The following ZFHX3 variants were observed in gnomAD, a reference collection of about 807,000 sequenced individuals.
ZFHX3 encodes the protein zinc finger homeobox protein 3.
In ZFHX3, 42 loss-of-function variants were observed where a neutral mutation model predicts 279.1. That is an observed-to-expected ratio of 0.15 (90% confidence interval 0.12 to 0.19). ZFHX3 has a LOEUF of 0.19. Among genes scored for constraint, ZFHX3 ranks in the 10% least tolerant of loss-of-function variants. The probability of loss-of-function intolerance (pLI) is 1.00; values close to 1 mark genes in which losing one functional copy is unlikely to be tolerated. For synonymous variants in ZFHX3, 2,293 were observed against 1,957.8 expected (o/e 1.17, Z -4.52); for missense variants, 4,981 against 4,754.0 (o/e 1.05, Z -1.40).
At chr16:72,981,172 C>G (rs966472979) in intron 1 of ZFHX3, among the ~76,000 whole-genome samples, 43 of 152,308 alleles carry the variant, frequency 2.8e-4, no homozygotes, top group African/African-American at 9.6e-4. Flanking sequence ...CATCTACTGA[C>G]CCCCACTCTT....
chr16:73,100,748 C>A lies in ZFHX3; in HGVS notation c.-896-7150G>T, dbSNP rs1214712684. Among the ~76,000 whole-genome samples, 3 of 152,232 alleles carry A rather than the reference C, an allele frequency of 2.0e-5. No homozygotes were observed. In the East Asian group the frequency reaches 5.8e-4, roughly 29 times the overall value. ...GAGTAGCTGGGATTACAGGCACCCA[C>A]CATCACGCCTGGCTAATTTTTGTAT... On this transcript the variant is annotated intron_variant, in intron 7 of 17. Transcript: ENST00000641206.
intron 2 of ZFHX3, among the ~76,000 whole-genome samples, chr16:73,580,837 T>G (rs2051853938): frequency 6.6e-6 from 1 of 151,896 alleles, no homozygotes; most frequent in South Asian, 2.1e-4. Flanking sequence ...AACCCATTCA[T>G]GTGTTTTTGT....
chr16:73,524,710 T>G (rs574474314), intron 2 of ZFHX3, among the ~76,000 whole-genome samples: 2 of 152,320 alleles, frequency 1.3e-5, no homozygotes, highest in East Asian at 3.9e-4. Flanking sequence ...AGCTCCCTGC[T>G]TAAAGAGCAA....
intron 4 of ZFHX3, among the ~76,000 whole-genome samples, chr16:73,288,793 A>G (rs1424633536): frequency 6.6e-6 from 1 of 151,966 alleles, no homozygotes; most frequent in Non-Finnish European, 1.5e-5. Context: ...TATCTTCGGT[A>G]AATAACCGCC....
At chr16:73,113,309 C>G (rs552851772) in intron 7 of ZFHX3, among the ~76,000 whole-genome samples, 1 of 152,202 alleles carries the variant, frequency 6.6e-6, no homozygotes, top group African/African-American at 2.4e-5. Flanking sequence ...TCTTTCACCA[C>G]GTCCCAGAGG....
chr16:73,019,176 C>G (rs956969820), intron 1 of ZFHX3, among the ~76,000 whole-genome samples: 1 of 152,168 alleles, frequency 6.6e-6, no homozygotes, highest in Admixed American at 6.5e-5. Context: ...GACCGAGTGG[C>G]CAGTTCGTTT....
chr16:73,125,974 C>T (rs1018635158), intron 7 of ZFHX3, among the ~76,000 whole-genome samples: 2 of 151,930 alleles, frequency 1.3e-5, no homozygotes, highest in Non-Finnish European at 2.9e-5. Flanking sequence ...GAAATGGAGC[C>T]AGGATTTGAA....
chr16:73,379,115 C>T (rs55917388), intron 3 of ZFHX3, among the ~76,000 whole-genome samples: 5,964 of 152,196 alleles, frequency 0.039, 306 homozygotes, highest in African/African-American at 0.12. Flanking sequence ...GATTTCTATA[C>T]CCTTGTATCT....
chr16:72,881,540 G>A (rs924290250), intron 4 of ZFHX3, among the ~76,000 whole-genome samples: 4 of 152,146 alleles, frequency 2.6e-5, no homozygotes, highest in African/African-American at 7.2e-5. Context: ...TACCAAGGTC[G>A]GGAACAAGTT....
At chr16:72,971,642 G>A (rs1431918997) in intron 1 of ZFHX3, among the ~76,000 whole-genome samples, 4 of 152,018 alleles carry the variant, frequency 2.6e-5, no homozygotes, top group Non-Finnish European at 5.9e-5. Context: ...AAGGCCCTCT[G>A]GAACGTGCCA....
chr16:72,806,640 T>C (rs1177996283), intron 7 of ZFHX3, among the ~76,000 whole-genome samples: 1 of 152,030 alleles, frequency 6.6e-6, no homozygotes. Context: ...GAGCCCCAGA[T>C]AACCAGCCTG....
chr16:73,806,035 T>C (rs544948182), intron 1 of ZFHX3, among the ~76,000 whole-genome samples: 4 of 152,304 alleles, frequency 2.6e-5, no homozygotes, highest in African/African-American at 9.6e-5. Flanking sequence ...CTTACAATCA[T>C]GGCGAAAGGC....
chr16:72,810,769 A>C (rs2143582267), intron 7 of ZFHX3, among the ~76,000 whole-genome samples: 1 of 152,306 alleles, frequency 6.6e-6, no homozygotes, highest in South Asian at 2.1e-4. Flanking sequence ...TAGAGTTGGA[A>C]ATTGCGGGTT....
At chr16:73,647,541 C>T (rs1388584606) in intron 2 of ZFHX3, among the ~76,000 whole-genome samples, 1 of 152,154 alleles carries the variant, frequency 6.6e-6, no homozygotes. Flanking sequence ...TTTCCTGAGG[C>T]CTCCCAGTCA....
chr16:72,903,221 C>A (rs984087784), intron 3 of ZFHX3, among the ~76,000 whole-genome samples: 1 of 152,208 alleles, frequency 6.6e-6, no homozygotes, highest in African/African-American at 2.4e-5. Context: ...CGCCAAGAAT[C>A]CAGCAGTTCC....
rs538086300 is a variant in ZFHX3, at chr16:73,269,865, C to T, written c.-1193-12729G>A. Among the ~76,000 whole-genome samples, 19 of 152,150 alleles carry T rather than the reference C, an allele frequency of 1.2e-4. 1 individual carries two copies. In the South Asian group the frequency reaches 4.0e-3, roughly 32 times the overall value. ...CTGAGTTCAAGCGATTCTCCTGCCT[C>T]AGTCTCCGGAGTAGCTGGAATAAGA... On this transcript the variant is annotated intron_variant, in intron 4 of 17. Coordinates refer to the ZFHX3 transcript ENST00000641206.
chr16:72,798,492 T>C lies in ZFHX3; in HGVS notation c.4190A>G (p.His1397Arg). 6.2e-7 allele frequency: 1 copy of C among 1,614,188 alleles called. No homozygotes were observed. Among genetic ancestry groups the C allele is most frequent in the South Asian group, 1.1e-5 (1 of 91,078 alleles). Residue 1397 changes from histidine (H) to arginine (R), a missense_variant, in exon 9 of 10, where the codon CAT becomes CGT. His to Arg is a conservative substitution (Grantham distance 29). Transcript: ENST00000268489. ...KRPQLPVSDR[H>R]VYKYRCNQCS... ...CTGATTACAGCGGTACTTGTACACATGGCGATCTGACACCGGCAGCTGAGG... is the reference window on the plus strand; with the variant it reads ...CTGATTACAGCGGTACTTGTACACACGGCGATCTGACACCGGCAGCTGAGG...
intron 1 of ZFHX3, among the ~76,000 whole-genome samples, chr16:73,806,276 G>C (rs141857375): frequency 1.3e-5 from 2 of 152,304 alleles, no homozygotes; most frequent in East Asian, 3.9e-4. Flanking sequence ...AGCACATCTG[G>C]AGTAGAAAAT....
At chr16:73,284,908 T>G (rs1358391104) in intron 4 of ZFHX3, among the ~76,000 whole-genome samples, 3 of 152,198 alleles carry the variant, frequency 2.0e-5, no homozygotes, top group African/African-American at 7.2e-5. Context: ...ACTGGTGTGA[T>G]CAGCTCACTG....
Sources: gnomAD v4.1 joint callset for allele counts (sites outside exome capture counted in the v4.1 genomes callset) on GRCh38, gnomAD v4.1.1 for gene constraint, MANE v1.5 for transcripts, NCBI Gene and HGNC (gene_info 2026-07-23, HGNC 2026-07-21) for gene names.